The following MMP26 variants were observed in gnomAD, a reference collection of about 807,000 sequenced individuals.
MMP26 encodes the protein matrix metallopeptidase 26.
A neutral mutation model predicts 31.0 loss-of-function variants in MMP26; 33 were observed. The observed-to-expected ratio is 1.06, with a 90% CI of 0.81 to 1.42. MMP26 has a LOEUF of 1.42. Ranked by LOEUF, MMP26 falls within the 40% of genes most tolerant of loss-of-function variation. The pLI is 0.00. For synonymous variants in MMP26, 122 were observed against 114.9 expected, an observed-to-expected ratio of 1.06 and a Z score of -0.40; for missense variants, 347 against 316.1, an observed-to-expected ratio of 1.10 and a Z score of -0.74.
At chr11:4,915,633 T>A in intron 2 of MMP26, 1 of 1,613,468 alleles carries the variant, frequency 6.2e-7, no homozygotes. Flanking sequence ...GAAACGCTGC[T>A]GCTGCTGTTT....
intron 2 of MMP26, among the ~76,000 whole-genome samples, chr11:4,865,209 T>C (rs759673954): frequency 6.6e-6 from 1 of 152,120 alleles, no homozygotes; most frequent in Non-Finnish European, 1.5e-5. Context: ...ACATATTCTT[T>C]AATTGCTTCC....
intron 2 of MMP26, chr11:4,937,856 C>T (rs1846150415): frequency 1.3e-5 from 2 of 152,496 alleles, no homozygotes; most frequent in African/African-American, 2.4e-5. Flanking sequence ...AGAAGAACCC[C>T]TGTTTTGATG....
intron 1 of MMP26, among the ~76,000 whole-genome samples, chr11:4,714,307 G>C (rs1847897580): frequency 6.6e-6 from 1 of 152,170 alleles, no homozygotes; most frequent in Non-Finnish European, 1.5e-5. Context: ...GAGGAGGTTT[G>C]ATTGGTCTAT....
At chr11:4,887,633 G>T (rs1011711748) in intron 2 of MMP26, among the ~76,000 whole-genome samples, 1 of 152,014 alleles carries the variant, frequency 6.6e-6, no homozygotes, top group Non-Finnish European at 1.5e-5. Flanking sequence ...TGTTTGATGT[G>T]CTTGTAATTT....
intron 1 of MMP26, among the ~76,000 whole-genome samples, chr11:4,762,810 A>C (rs76396163): frequency 0.015 from 2,352 of 152,300 alleles, 40 homozygotes; most frequent in Non-Finnish European, 0.025. Context: ...GTAAAGTTCC[A>C]AGAACATTGT....
At chr11:4,882,195 G>T in intron 2 of MMP26, 4 of 1,613,934 alleles carry the variant, frequency 2.5e-6, no homozygotes, top group Non-Finnish European at 3.4e-6. Context: ...TTTAAAGCTT[G>T]CTTCATTCAA....
chr11:4,888,661 A>G (rs945387002), intron 2 of MMP26, among the ~76,000 whole-genome samples: 4 of 152,160 alleles, frequency 2.6e-5, no homozygotes, highest in Non-Finnish European at 4.4e-5. Flanking sequence ...TTTGGTTTTT[A>G]TTAAGGAATG....
intron 2 of MMP26, among the ~76,000 whole-genome samples, chr11:4,938,848 TA>T (rs369135554): frequency 0.011 from 1,710 of 152,058 alleles, 34 homozygotes; most frequent in African/African-American, 0.039. Flanking sequence ...GGTTTAAAAA[TA>T]AAAAAACCTT....
chr11:4,746,037 AT>A (rs1564899787), intron 1 of MMP26, among the ~76,000 whole-genome samples: 1 of 152,200 alleles, frequency 6.6e-6, no homozygotes, highest in African/African-American at 2.4e-5. Context: ...GCCTTGTACT[AT>A]AGTTGTTATG....
At chr11:4,803,324 T>C in intron 2 of MMP26, 2 of 793,114 alleles carry the variant, frequency 2.5e-6, no homozygotes, top group Non-Finnish European at 2.0e-6. Flanking sequence ...TCTGAGCCAG[T>C]TATTTACAGA....
chr11:4,889,960 G>A (rs1394521407), intron 2 of MMP26: 3 of 161,834 alleles, frequency 1.9e-5, no homozygotes, highest in Non-Finnish European at 2.7e-5. Context: ...AGTTGACAGT[G>A]TTGTCGGAGC....
At chr11:4,869,702 G>A (rs964285614) in intron 2 of MMP26, among the ~76,000 whole-genome samples, 18 of 152,126 alleles carry the variant, frequency 1.2e-4, no homozygotes, top group Non-Finnish European at 2.1e-4. Context: ...ATTTGACCCA[G>A]CAATCCCATT....
intron 1 of MMP26, among the ~76,000 whole-genome samples, chr11:4,726,199 G>A (rs971192483): frequency 3.3e-5 from 5 of 152,052 alleles, no homozygotes; most frequent in Admixed American, 6.6e-5. Flanking sequence ...TTACTAGGCC[G>A]GGCATGGTGG....
intron 1 of MMP26, among the ~76,000 whole-genome samples, chr11:4,733,334 A>C (rs1056578927): frequency 6.6e-6 from 1 of 152,154 alleles, no homozygotes; most frequent in African/African-American, 2.4e-5. Context: ...TCCAAGGTTA[A>C]TTTATTTCAG....
chr11:4,943,038 G>A (rs1846238372), intron 2 of MMP26: 1 of 155,684 alleles, frequency 6.4e-6, no homozygotes, highest in African/African-American at 2.4e-5. Context: ...ATATCATACA[G>A]GCATATTCTC....
chr11:4,748,930 G>A (rs1320763335), intron 1 of MMP26, among the ~76,000 whole-genome samples: 1 of 151,940 alleles, frequency 6.6e-6, no homozygotes, highest in African/African-American at 2.4e-5. Context: ...AATAGTACTG[G>A]AAGTCCTAGT....
At chr11:4,804,350 G>A in intron 2 of MMP26, 1 of 1,614,146 alleles carries the variant, frequency 6.2e-7, no homozygotes, top group Non-Finnish European at 8.5e-7. Flanking sequence ...GACACAGGAT[G>A]AGAAGAGCTG....
intron 2 of MMP26, among the ~76,000 whole-genome samples, chr11:4,983,751 T>G (rs1391984167): frequency 6.6e-6 from 1 of 152,212 alleles, no homozygotes; most frequent in African/African-American, 2.4e-5. Flanking sequence ...CTTTTGTTCC[T>G]TACATTGCCA....
intron 2 of MMP26, among the ~76,000 whole-genome samples, chr11:4,874,422 G>A (rs1251176036): frequency 6.6e-6 from 1 of 151,890 alleles, no homozygotes; most frequent in African/African-American, 2.4e-5. Context: ...TCCTTTCTAT[G>A]ACCAAGGCTC....
Sources: allele counts gnomAD v4.1 joint callset (sites outside exome capture counted in the v4.1 genomes callset), GRCh38; gene constraint gnomAD v4.1.1; transcripts MANE v1.5; gene names NCBI Gene and HGNC (gene_info 2026-07-23, HGNC 2026-07-21).